The following DACH2 variants were observed in gnomAD, a reference collection of about 807,000 sequenced individuals.
DACH2 encodes dachshund family transcription factor 2.
DACH2 carries 17 observed loss-of-function variants against 35.8 expected under a neutral mutation model. That is an observed-to-expected ratio of 0.48 (90% CI 0.33 to 0.71). DACH2 has a LOEUF of 0.71. Among genes scored for constraint, DACH2 ranks in the 30% least tolerant of loss-of-function variants. The probability of loss-of-function intolerance (pLI) is 0.02; values close to 1 mark genes in which losing one functional copy is unlikely to be tolerated. For missense variants in DACH2, 469 were observed against 472.7 expected (o/e 0.99, Z 0.07); for synonymous variants, 195 against 177.3 (o/e 1.10, Z -0.79).
rs1017796620 is a variant in DACH2 at position 86,606,931 on chromosome X, T to C, written c.641-44105T>C. On this transcript the variant is annotated intron_variant, in intron 3 of 11. Transcript: ENST00000373125. ...TTATATTCTCTTGCTGAATTGAGCC[T>C]TTTATCATCATATAGTGACCTCGTT... 8.0e-5 allele frequency among the ~76,000 whole-genome samples: 9 copies of C among 112,159 alleles called. No individual in the cohort carries two copies. In the East Asian group the frequency reaches 1.1e-3, roughly 14 times the overall value.
intron 6 of DACH2, among the ~76,000 whole-genome samples, chrX:86,721,453 C>T: frequency 9.1e-6 from 1 of 110,280 alleles, no homozygotes; most frequent in East Asian, 2.9e-4. Context: ...CCTTTATTCA[C>T]GTTCCCAACA....
rs181818374 is a variant in DACH2 at position 86,658,862 on chromosome X, T to G, written c.772+7695T>G. Among the ~76,000 whole-genome samples the G allele has an allele frequency of 1.7e-4, 19 of 111,806 alleles. No individual in the cohort carries two copies. In the East Asian group the frequency reaches 5.3e-3, roughly 31 times the overall value. On this transcript the variant is annotated intron_variant, in intron 4 of 11. Coordinates refer to ENST00000373125, the MANE Select transcript of DACH2 (RefSeq NM_053281.3). ...TTATTTCAGGAAGAACTATGCTCAGTGATGTTCTCTGGAAAACCCACGATT... is the reference window on the plus strand; with the variant it reads ...TTATTTCAGGAAGAACTATGCTCAGGGATGTTCTCTGGAAAACCCACGATT...
At chrX:86,359,091 G>GTT (rs1390444536) in intron 1 of DACH2, among the ~76,000 whole-genome samples, 1 of 106,889 alleles carries the variant, frequency 9.4e-6, no homozygotes, top group Non-Finnish European at 2.0e-5. Flanking sequence ...TGTCGTGTGT[G>GTT]TGTGTGTGTG....
chrX:86,505,147 A>G (rs771182410), intron 2 of DACH2, among the ~76,000 whole-genome samples: 1 of 111,316 alleles, frequency 9.0e-6, no homozygotes, highest in Non-Finnish European at 1.9e-5. Flanking sequence ...CAATATGTAA[A>G]CTTCATGATG....
At chrX:86,404,886 C>T (rs909328671) in intron 2 of DACH2, among the ~76,000 whole-genome samples, 1 of 112,176 alleles carries the variant, frequency 8.9e-6, no homozygotes, top group Admixed American at 9.4e-5. Context: ...TGGAGGATTC[C>T]AGATCTCAGT....
intron 1 of DACH2, among the ~76,000 whole-genome samples, chrX:86,319,711 T>G (rs2034981752): frequency 8.9e-6 from 1 of 112,545 alleles, no homozygotes; most frequent in Admixed American, 9.4e-5. Context: ...ACTGTTTTTA[T>G]TTTTAAAGAT....
chrX:86,278,078 A>C (rs923360083), intron 1 of DACH2, among the ~76,000 whole-genome samples: 1 of 111,290 alleles, frequency 9.0e-6, no homozygotes, highest in Non-Finnish European at 1.9e-5. Context: ...CTTGCACCCA[A>C]AAAAGGTCAT....
At chrX:86,527,002 C>T (rs1041221304) in intron 3 of DACH2, among the ~76,000 whole-genome samples, 3 of 109,919 alleles carry the variant, frequency 2.7e-5, no homozygotes, top group Admixed American at 9.8e-5. Flanking sequence ...CACACAAACA[C>T]CTGTAAAAAG....
chrX:86,766,526 C>T (rs890557807), intron 7 of DACH2, among the ~76,000 whole-genome samples: 2 of 111,758 alleles, frequency 1.8e-5, no homozygotes, highest in African/African-American at 6.5e-5. Flanking sequence ...ACTGCTTTAA[C>T]CACATCTTCA....
chrX:86,371,407 C>A (rs1021551806), intron 1 of DACH2, among the ~76,000 whole-genome samples: 4 of 110,218 alleles, frequency 3.6e-5, no homozygotes, highest in Admixed American at 9.8e-5. Flanking sequence ...TTGTTATTCC[C>A]AAATAATTAC....
At chrX:86,403,737 A>G (rs545983370) in intron 2 of DACH2, among the ~76,000 whole-genome samples, 1 of 112,083 alleles carries the variant, frequency 8.9e-6, no homozygotes, top group African/African-American at 3.2e-5. Context: ...AGACACATGC[A>G]CACACTTGTT....
At chrX:86,656,132 T>C (rs1315161512) in intron 4 of DACH2, among the ~76,000 whole-genome samples, 2 of 108,012 alleles carry the variant, frequency 1.9e-5, no homozygotes, top group African/African-American at 6.7e-5. Context: ...ACTATTCCCC[T>C]GGACAGTCAT....
chrX:86,326,512 CATATATAT>C (rs368452832), intron 1 of DACH2, among the ~76,000 whole-genome samples: 1 of 102,886 alleles, frequency 9.7e-6, no homozygotes. Context: ...CACACACACA[CATATATAT>C]ATATATATAT....
intron 3 of DACH2, among the ~76,000 whole-genome samples, chrX:86,617,763 T>G (rs2040023786): frequency 8.9e-6 from 1 of 112,168 alleles, no homozygotes; most frequent in South Asian, 3.7e-4. Flanking sequence ...TTCTGACTTT[T>G]AAATCCAATT....
At chrX:86,466,857 C>T (rs2037679059) in intron 2 of DACH2, among the ~76,000 whole-genome samples, 1 of 110,952 alleles carries the variant, frequency 9.0e-6, no homozygotes. Flanking sequence ...TGGCCCCTTT[C>T]AGCCACGGCT....
chrX:86,500,552 G>A (rs1413760413), intron 2 of DACH2, among the ~76,000 whole-genome samples: 1 of 111,970 alleles, frequency 8.9e-6, no homozygotes. Flanking sequence ...CTAGTGTAAT[G>A]TTTCAGAGGA....
intron 1 of DACH2, among the ~76,000 whole-genome samples, chrX:86,327,817 A>G (rs993446443): frequency 4.5e-5 from 5 of 111,918 alleles, no homozygotes; most frequent in African/African-American, 1.6e-4. Flanking sequence ...TCTTCGTGGC[A>G]TATCAAGCTT....
At chrX:86,167,132 G>A (rs2147869623) in intron 1 of DACH2, among the ~76,000 whole-genome samples, 1 of 111,201 alleles carries the variant, frequency 9.0e-6, no homozygotes, top group African/African-American at 3.3e-5. Context: ...GAGTAGTATT[G>A]GGTTTCGTTC....
chrX:86,739,703 T>G (rs2041633392), intron 6 of DACH2, 44 bp from the exon 7 acceptor site: 1 of 1,160,206 alleles, frequency 8.6e-7, no homozygotes, highest in African/African-American at 1.8e-5. Flanking sequence ...CATAAAAACT[T>G]GGCGCATAGA....
Sources: allele counts gnomAD v4.1 joint callset (sites outside exome capture counted in the v4.1 genomes callset), GRCh38; gene constraint gnomAD v4.1.1; transcripts MANE v1.5; gene names NCBI Gene and HGNC (gene_info 2026-07-23, HGNC 2026-07-21).